Variants in KCNH7 observed in about 807,000 individuals in gnomAD.
The protein encoded by KCNH7 is potassium voltage-gated channel subfamily H member 7.
A neutral mutation model predicts 120.8 loss-of-function variants in KCNH7; 49 were observed. That is an observed-to-expected ratio of 0.41 (90% CI 0.32 to 0.51). The LOEUF (loss-of-function observed/expected upper bound fraction) is 0.51, where lower values mean the gene tolerates loss of function less well. Among genes scored for constraint, KCNH7 ranks in the 20% least tolerant of loss-of-function variants. KCNH7 has a pLI of 0.38. For missense variants in KCNH7, 1,097 were observed against 1,446.6 expected (o/e 0.76, Z 3.92); for synonymous variants, 547 against 516.1 (o/e 1.06, Z -0.81).
intron 6 of KCNH7, among the ~76,000 whole-genome samples, chr2:162,461,455 A>G (rs910939182): frequency 6.6e-6 from 1 of 152,226 alleles, no homozygotes; most frequent in Non-Finnish European, 1.5e-5. Flanking sequence ...GATGATTACT[A>G]TCATAATAAT....
chr2:162,484,353 G>A (rs1010307896), intron 6 of KCNH7, among the ~76,000 whole-genome samples: 1 of 152,086 alleles, frequency 6.6e-6, no homozygotes, highest in Non-Finnish European at 1.5e-5. Context: ...TCAATGCTGT[G>A]TCTCCTTGGT....
chr2:162,541,345 G>T (rs896067851), intron 2 of KCNH7, among the ~76,000 whole-genome samples: 22 of 152,056 alleles, frequency 1.4e-4, no homozygotes, highest in African/African-American at 5.3e-4. Context: ...AAGAAGGGAA[G>T]ATAAAGAACT....
At chr2:162,565,769 T>C (rs1007308564) in intron 2 of KCNH7, among the ~76,000 whole-genome samples, 2 of 152,002 alleles carry the variant, frequency 1.3e-5, no homozygotes, top group African/African-American at 4.8e-5. Context: ...ATCTGAAAAA[T>C]TTTCCTGATA....
chr2:162,403,843 C>G (rs1687131494), intron 9 of KCNH7, among the ~76,000 whole-genome samples: 1 of 151,870 alleles, frequency 6.6e-6, no homozygotes. Context: ...GATCTGGGTT[C>G]TGTCTAAGTA....
intron 2 of KCNH7, among the ~76,000 whole-genome samples, chr2:162,659,178 T>C (rs1011549674): frequency 1.8e-4 from 27 of 152,208 alleles, no homozygotes; most frequent in Admixed American, 1.5e-3. Flanking sequence ...CATGAGCAAG[T>C]GATAGATTTT....
chr2:162,503,341 G>GT (rs1167302037), intron 6 of KCNH7, among the ~76,000 whole-genome samples: 2 of 151,910 alleles, frequency 1.3e-5, no homozygotes, highest in Admixed American at 6.6e-5. Flanking sequence ...TAAAATGTGC[G>GT]TAACAGTAAA....
intron 2 of KCNH7, among the ~76,000 whole-genome samples, chr2:162,726,081 G>A (rs1014272434): frequency 4.6e-5 from 7 of 152,140 alleles, no homozygotes; most frequent in African/African-American, 9.7e-5. Context: ...ATTGCATTTA[G>A]TAGAAACATA....
At chr2:162,738,993 G>A (rs1466605658) in intron 2 of KCNH7, among the ~76,000 whole-genome samples, 1 of 152,084 alleles carries the variant, frequency 6.6e-6, no homozygotes, top group East Asian at 1.9e-4. Context: ...TGACACACCT[G>A]CTCTGCTTCT....
At chr2:162,404,983 T>C (rs1687166419) in intron 9 of KCNH7, among the ~76,000 whole-genome samples, 1 of 152,042 alleles carries the variant, frequency 6.6e-6, no homozygotes, top group African/African-American at 2.4e-5. Flanking sequence ...ATATTGTACA[T>C]TTATAATACT....
chr2:162,558,188 CT>C (rs1332903058), intron 2 of KCNH7, among the ~76,000 whole-genome samples: 3 of 135,726 alleles, frequency 2.2e-5, no homozygotes, highest in Non-Finnish European at 3.2e-5. Flanking sequence ...TTTTTTTTTT[CT>C]TTTTTTGAGA....
chr2:162,810,552 T>C (rs1164750074), intron 2 of KCNH7, among the ~76,000 whole-genome samples: 9 of 152,132 alleles, frequency 5.9e-5, no homozygotes, highest in Admixed American at 4.6e-4. Context: ...GAAAGGTATG[T>C]TTATATTTGC....
chr2:162,637,358 T>C (rs1683997202), intron 2 of KCNH7, among the ~76,000 whole-genome samples: 1 of 152,104 alleles, frequency 6.6e-6, no homozygotes, highest in African/African-American at 2.4e-5. Context: ...CCCTGGATCA[T>C]CTTGCATTAG....
intron 2 of KCNH7, among the ~76,000 whole-genome samples, chr2:162,637,638 T>C (rs1684007649): frequency 6.6e-6 from 1 of 152,066 alleles, no homozygotes; most frequent in Non-Finnish European, 1.5e-5. Context: ...ACACTTTTGA[T>C]AATTAGCTTG....
intron 12 of KCNH7, among the ~76,000 whole-genome samples, chr2:162,387,393 C>T (rs536090815): frequency 1.8e-4 from 28 of 151,432 alleles, no homozygotes; most frequent in African/African-American, 6.5e-4. Context: ...TAATTAGCCT[C>T]CAGGTACTTC....
chr2:162,764,068 A>G (rs1689060988), intron 2 of KCNH7, among the ~76,000 whole-genome samples: 1 of 151,998 alleles, frequency 6.6e-6, no homozygotes, highest in Non-Finnish European at 1.5e-5. Flanking sequence ...TTTCTTTCCA[A>G]ATATTTGGCT....
intron 2 of KCNH7, among the ~76,000 whole-genome samples, chr2:162,653,263 G>T (rs185923809): frequency 7.9e-4 from 120 of 152,284 alleles, no homozygotes; most frequent in African/African-American, 2.8e-3. Context: ...TTAGGCAAGA[G>T]AAAGAAATAA....
intron 2 of KCNH7, among the ~76,000 whole-genome samples, chr2:162,724,994 T>A (rs1404221708): frequency 2.6e-5 from 4 of 152,198 alleles, no homozygotes; most frequent in Admixed American, 6.5e-5. Flanking sequence ...TAAGGTCACA[T>A]CAGCCAACAG....
At position 162,679,955 on chromosome 2, in the gene KCNH7, A is replaced by G. The variant is rs565305599; in HGVS notation, c.308-142875T>C. Among the ~76,000 whole-genome samples the G allele has an allele frequency of 8.0e-4, 121 of 151,918 alleles. 1 individual carries two copies. The highest frequency in any genetic ancestry group is 3.4e-3 in the Middle Eastern group (1 of 294). ...AAGTTTTGTTTTATAAAAGTGGAAC[A>G]CACGCCATATTTAAATCTGCTGCAG... On this transcript the variant is annotated intron_variant, in intron 2 of 15. Coordinates refer to ENST00000332142, the MANE Select transcript of KCNH7 (RefSeq NM_033272.4).
At chr2:162,621,825 A>G (rs1306840966) in intron 2 of KCNH7, among the ~76,000 whole-genome samples, 3 of 152,122 alleles carry the variant, frequency 2.0e-5, no homozygotes, top group Non-Finnish European at 4.4e-5. Flanking sequence ...AAACAGGTTT[A>G]TTTATTTACA....
Sources: gnomAD v4.1 joint callset for allele counts (sites outside exome capture counted in the v4.1 genomes callset) on GRCh38, gnomAD v4.1.1 for gene constraint, MANE v1.5 for transcripts, NCBI Gene and HGNC (gene_info 2026-07-23, HGNC 2026-07-21) for gene names.